ALDH1L1: variants seen among roughly 807,000 people sequenced by gnomAD.
ALDH1L1 encodes the protein aldehyde dehydrogenase 1 family member L1.
A neutral mutation model predicts 101.1 loss-of-function variants in ALDH1L1; 68 were observed. The observed-to-expected ratio is 0.67, with a 90% CI of 0.55 to 0.82. The LOEUF (loss-of-function observed/expected upper bound fraction) is 0.82. Ranked by LOEUF, ALDH1L1 falls within the 40% of genes least tolerant of loss-of-function variation. The probability of loss-of-function intolerance (pLI) is 0.00; values close to 1 mark genes in which losing one functional copy is unlikely to be tolerated. For synonymous variants in ALDH1L1, 486 were observed against 470.8 expected (o/e 1.03, Z -0.42); for missense variants, 1,087 against 1,172.7 (o/e 0.93, Z 1.07).
Position 126,105,720 on chromosome 3 carries a change from G to A in ALDH1L1, c.2653+6C>T, listed in dbSNP as rs1945843971. The A allele has an allele frequency of 6.2e-7, 1 of 1,614,098 alleles. No homozygotes were observed. The highest frequency in any genetic ancestry group is 8.5e-7 in the Non-Finnish European group (1 of 1,180,036). On this transcript the variant is annotated splice_donor_region_variant and intron_variant, in intron 22 of 22. Coordinates refer to ENST00000393434, the MANE Select transcript of ALDH1L1 (RefSeq NM_012190.4). Reference sequence around the variant, plus strand: ...GAAAGCAACCCCACAGGCAGGAGTAGGTTACCTAGATCTTTGCCAAATCCA... The same window carrying A: ...GAAAGCAACCCCACAGGCAGGAGTAAGTTACCTAGATCTTTGCCAAATCCA...
chr3:126,136,567 C>T (rs114145350), intron 11 of ALDH1L1, among the ~76,000 whole-genome samples, 197 bp downstream of exon 11: 2 of 152,204 alleles, frequency 1.3e-5, no homozygotes, highest in African/African-American at 2.4e-5. Context: ...TGCCACCTGC[C>T]ACCACCCTGC....
intron 12 of ALDH1L1, among the ~76,000 whole-genome samples, chr3:126,133,481 T>G (rs2080356496): frequency 1.3e-5 from 2 of 152,120 alleles, no homozygotes; most frequent in Admixed American, 6.5e-5. Context: ...ATCCTTTGAA[T>G]CCCCCACATT....
intron 19 of ALDH1L1, among the ~76,000 whole-genome samples, chr3:126,110,770 C>T (rs988971410): frequency 1.3e-5 from 2 of 152,156 alleles, no homozygotes. Flanking sequence ...TGTAGCCAAA[C>T]CCGGTTGCTT....
At chr3:126,134,312 T>TTA (rs1164247306) in intron 12 of ALDH1L1, among the ~76,000 whole-genome samples, 1 of 152,182 alleles carries the variant, frequency 6.6e-6, no homozygotes, top group African/African-American at 2.4e-5. Context: ...GTAGAATCTG[T>TTA]TATGATACAA....
intron 13 of ALDH1L1, among the ~76,000 whole-genome samples, chr3:126,131,177 C>T (rs2080294260): frequency 6.6e-6 from 1 of 152,228 alleles, no homozygotes. Context: ...TTAGCTTTGG[C>T]CTTGTGAGAC....
intron 8 of ALDH1L1, among the ~76,000 whole-genome samples, 177 bp from the exon 9 acceptor site, chr3:126,147,103 T>G: frequency 6.6e-6 from 1 of 152,176 alleles, no homozygotes; most frequent in African/African-American, 2.4e-5. Flanking sequence ...GTGACCACCT[T>G]CTGGGAAAGA....
intron 1 of ALDH1L1, among the ~76,000 whole-genome samples, chr3:126,192,183 C>A (rs1445153690): frequency 6.6e-6 from 1 of 152,122 alleles, no homozygotes; most frequent in Admixed American, 6.5e-5. Context: ...GCTCGTAAAT[C>A]GTGAACAAAT....
intron 1 of ALDH1L1, among the ~76,000 whole-genome samples, chr3:126,162,758 C>A (rs2081087426): frequency 6.6e-6 from 1 of 152,288 alleles, no homozygotes; most frequent in Middle Eastern, 3.4e-3. Context: ...TTTAAAAAAT[C>A]TTTGCCTACT....
chr3:126,182,155 A>T (rs542144368), upstream of ALDH1L1, among the ~76,000 whole-genome samples: 28 of 150,920 alleles, frequency 1.9e-4, no homozygotes, highest in East Asian at 5.9e-4. Flanking sequence ...TTATTTATTT[A>T]TTTTTTTTTG....
chr3:126,191,547 T>C (rs2081553514), intron 1 of ALDH1L1, among the ~76,000 whole-genome samples: 1 of 152,226 alleles, frequency 6.6e-6, no homozygotes, highest in Non-Finnish European at 1.5e-5. Context: ...CCTCCCATGG[T>C]GCAGGTTCTG....
chr3:126,134,397 C>T (rs972884848), intron 12 of ALDH1L1, among the ~76,000 whole-genome samples: 5 of 152,218 alleles, frequency 3.3e-5, no homozygotes, highest in Admixed American at 1.3e-4. Flanking sequence ...CAAACGCGCA[C>T]GCAGGGCCCA....
intron 1 of ALDH1L1, among the ~76,000 whole-genome samples, chr3:126,167,747 A>T (rs2081197419): frequency 6.6e-6 from 1 of 152,150 alleles, no homozygotes; most frequent in Non-Finnish European, 1.5e-5. Context: ...CGGTATCATA[A>T]AGAGTATTGC....
chr3:126,158,656 A>G lies in ALDH1L1; in HGVS notation c.128-17T>C. ...CTTCCAGACCTGTGGGACGGTGGAT[A>G]AGAAACTGGCCCCTCTCCATAACCC... On this transcript the variant is annotated splice_polypyrimidine_tract_variant and intron_variant, in intron 2 of 22. Coordinates refer to ENST00000393434, the MANE Select transcript of ALDH1L1 (RefSeq NM_012190.4). The G allele has an allele frequency of 6.2e-7, 1 of 1,604,374 alleles. No homozygotes were observed. The highest frequency in any genetic ancestry group is 8.5e-7 in the Non-Finnish European group (1 of 1,172,020).
At position 126,112,837 on chromosome 3, in the gene ALDH1L1, G is replaced by C. The variant is rs1273918441; in HGVS notation, c.2126C>G (p.Ala709Gly). ...GTCCTCCACAAAGAGTCGGCCTGCTGCAATGCAATTCTCTCCTTTGTTGAA... is the reference window on the plus strand; with the variant it reads ...GTCCTCCACAAAGAGTCGGCCTGCTCCAATGCAATTCTCTCCTTTGTTGAA... ...VFFNKGENCIAAGRLFVEDSI... is the reference protein window; with the variant it reads ...VFFNKGENCIGAGRLFVEDSI... The change falls in exon 19 of 23, where the codon GCA becomes GGA. Residue 709 changes from alanine to glycine, a missense_variant. By Grantham distance (60) the Ala-to-Gly change is moderately conservative. Transcript: ENST00000393434. The C allele has an allele frequency of 1.2e-6, 2 of 1,613,656 alleles. No homozygotes were observed. Among genetic ancestry groups the C allele is most frequent in the Admixed American group, 3.3e-5 (2 of 60,030 alleles).
intron 1 of ALDH1L1, among the ~76,000 whole-genome samples, chr3:126,163,782 A>G (rs56325268): frequency 0.019 from 2,955 of 152,264 alleles, 100 homozygotes; most frequent in African/African-American, 0.067. Context: ...ACCTTTCTAT[A>G]TATCTCTGAA....
chr3:126,173,591 A>C (rs957522539), intron 1 of ALDH1L1, among the ~76,000 whole-genome samples: 2 of 152,354 alleles, frequency 1.3e-5, no homozygotes, highest in African/African-American at 4.8e-5. Flanking sequence ...GGTAAATATT[A>C]ATCCAACTAT....
intron 1 of ALDH1L1, among the ~76,000 whole-genome samples, chr3:126,178,058 A>G (rs2081395931): frequency 6.6e-6 from 1 of 150,808 alleles, no homozygotes. Context: ...AAAAAGCTGT[A>G]ACAAAAATAT....
chr3:126,127,845 A>C (rs2080220370), intron 14 of ALDH1L1, among the ~76,000 whole-genome samples: 1 of 152,230 alleles, frequency 6.6e-6, no homozygotes, highest in African/African-American at 2.4e-5. Flanking sequence ...GTGTGCTGGG[A>C]TGATGACAGG....
At chr3:126,135,265 G>T in intron 12 of ALDH1L1, 1 of 318,570 alleles carries the variant, frequency 3.1e-6, no homozygotes. Context: ...GCATCCCTTG[G>T]CTTCCGCACC....
Sources: gnomAD v4.1 joint callset for allele counts (sites outside exome capture counted in the v4.1 genomes callset) on GRCh38, gnomAD v4.1.1 for gene constraint, MANE v1.5 for transcripts, NCBI Gene and HGNC (gene_info 2026-07-23, HGNC 2026-07-21) for gene names.